DMD: variants seen among roughly 807,000 people sequenced by gnomAD.
DMD encodes the protein mutant dystrophin.
Under a neutral mutation model 330.1 loss-of-function variants are expected in DMD, and 63 were observed. The ratio of observed to expected loss-of-function variants is 0.19; its 90% CI spans 0.16 to 0.24. The LOEUF is 0.24. DMD is among the 10% of genes least tolerant of loss of function. The pLI, the probability that DMD is intolerant of heterozygous loss-of-function variation, is 1.00. For missense variants in DMD, 3,344 were observed against 2,684.1 expected (o/e 1.25, Z -5.43); for synonymous variants, 1,223 against 959.8 (o/e 1.27, Z -5.07).
intron 52 of DMD, among the ~76,000 whole-genome samples, chrX:31,708,967 G>C (rs2084400495): frequency 8.9e-6 from 1 of 111,792 alleles, no homozygotes; most frequent in Non-Finnish European, 1.9e-5. Flanking sequence ...TCCTACTTTT[G>C]CAGTTCTAAA....
At chrX:31,462,199 G>A (rs543100374) in intron 59 of DMD, among the ~76,000 whole-genome samples, 2 of 112,145 alleles carry the variant, frequency 1.8e-5, no homozygotes, top group South Asian at 7.4e-4. Flanking sequence ...CACAACTCCG[G>A]CTCGGTGTTG....
chrX:33,099,449 T>C (rs1186152690), intron 1 of DMD, among the ~76,000 whole-genome samples: 1 of 111,274 alleles, frequency 9.0e-6, no homozygotes, highest in African/African-American at 3.3e-5. Flanking sequence ...CAACTTTGAA[T>C]ATTGTTTCTT....
chrX:32,699,956 C>T (rs905492315), intron 7 of DMD, among the ~76,000 whole-genome samples: 5 of 111,566 alleles, frequency 4.5e-5, no homozygotes, highest in African/African-American at 9.7e-5. Context: ...TGTAAAAGTC[C>T]CGCACATTAA....
chrX:32,642,365 TA>T (rs1330488103), intron 11 of DMD, among the ~76,000 whole-genome samples: 1 of 112,292 alleles, frequency 8.9e-6, no homozygotes, highest in Non-Finnish European at 1.9e-5. Flanking sequence ...CTTGCCTTCT[TA>T]ATAATTATTC....
intron 44 of DMD, among the ~76,000 whole-genome samples, chrX:32,171,318 G>T (rs1363713325): frequency 8.9e-6 from 1 of 111,792 alleles, no homozygotes. Context: ...GGCAGTTTTA[G>T]AGAGGAGAAA....
At chrX:32,980,723 A>T (rs974694099) in intron 2 of DMD, among the ~76,000 whole-genome samples, 22 of 111,821 alleles carry the variant, frequency 2.0e-4, no homozygotes, top group Non-Finnish European at 3.2e-4. Flanking sequence ...CATATTACTT[A>T]TAGATGGAGT....
chrX:32,002,196 T>C (rs1255612235), intron 44 of DMD, among the ~76,000 whole-genome samples: 2 of 111,992 alleles, frequency 1.8e-5, no homozygotes, highest in Non-Finnish European at 3.8e-5. Context: ...CATTACTTCG[T>C]GTTTGTTCTC....
intron 63 of DMD, among the ~76,000 whole-genome samples, chrX:31,250,970 T>C (rs5972353): frequency 0.1 from 11,182 of 108,869 alleles, 1,114 homozygotes; most frequent in African/African-American, 0.31. Flanking sequence ...TAATCCCAGC[T>C]ACTCGGGAGG....
chrX:33,001,672 CA>C (rs2093282372), intron 2 of DMD, among the ~76,000 whole-genome samples: 1 of 111,198 alleles, frequency 9.0e-6, no homozygotes, highest in African/African-American at 3.3e-5. Context: ...ACAAGAAAGA[CA>C]GCGTCTAACA....
At chrX:31,836,870 A>C (rs763700101) in intron 48 of DMD, 51 bp from the exon 49 acceptor site, 1 of 1,039,304 alleles carries the variant, frequency 9.6e-7, no homozygotes, top group African/African-American at 1.9e-5. Context: ...TTAGCAATAA[A>C]ATTACTAAAT....
At chrX:32,929,676 T>C (rs1273323172) in intron 2 of DMD, among the ~76,000 whole-genome samples, 1 of 111,357 alleles carries the variant, frequency 9.0e-6, no homozygotes, top group Non-Finnish European at 1.9e-5. Flanking sequence ...ACCCGTCATC[T>C]ACATTAGGTA....
rs376984783 is a variant in DMD, at chrX:31,756,014, G to A, written c.7542+17946C>T. Reference sequence around the variant, plus strand: ...AGAAATGTTCTGCATGTTTGTGTGCGTGAGAGAGACACAGAGAGAGAGCGA... The same window carrying A: ...AGAAATGTTCTGCATGTTTGTGTGCATGAGAGAGACACAGAGAGAGAGCGA... On this transcript the variant is annotated intron_variant, in intron 51 of 78. Transcript: ENST00000357033. 7.2e-5 allele frequency among the ~76,000 whole-genome samples: 8 copies of A among 111,488 alleles called. No homozygotes were observed. The East Asian group carries it at 1.4e-3, about 20-fold the overall frequency.
intron 7 of DMD, among the ~76,000 whole-genome samples, chrX:32,793,499 G>C (rs1002616498): frequency 9.2e-6 from 1 of 108,351 alleles, no homozygotes; most frequent in Non-Finnish European, 1.9e-5. Context: ...TGAGAAGTTT[G>C]ATTTTTAAAA....
chrX:32,960,528 C>G (rs1244332301), intron 2 of DMD, among the ~76,000 whole-genome samples: 3 of 111,827 alleles, frequency 2.7e-5, no homozygotes, highest in Non-Finnish European at 5.6e-5. Context: ...TGCCATTTAG[C>G]AAACGTAGAG....
chrX:31,198,211 T>A (rs1324354144), intron 67 of DMD, among the ~76,000 whole-genome samples: 1 of 110,359 alleles, frequency 9.1e-6, no homozygotes. Flanking sequence ...ATCAATATAT[T>A]TTTAAATCTT....
At chrX:31,406,361 CCTT>C (rs1235548465) in intron 60 of DMD, among the ~76,000 whole-genome samples, 1 of 110,669 alleles carries the variant, frequency 9.0e-6, no homozygotes, top group Non-Finnish European at 1.9e-5. Flanking sequence ...ATGTAACAAA[CCTT>C]CACATGTACC....
At chrX:31,730,853 A>C (rs2086451960) in intron 51 of DMD, among the ~76,000 whole-genome samples, 1 of 111,632 alleles carries the variant, frequency 9.0e-6, no homozygotes, top group South Asian at 3.7e-4. Flanking sequence ...AGGCCAATGA[A>C]GATGAAGAGA....
intron 43 of DMD, among the ~76,000 whole-genome samples, chrX:32,218,272 A>G (rs1167271584): frequency 9.0e-6 from 1 of 111,675 alleles, no homozygotes; most frequent in African/African-American, 3.3e-5. Context: ...TATTTTTCAA[A>G]GCATCCAGGT....
chrX:32,980,724 T>C (rs1314825366), intron 2 of DMD, among the ~76,000 whole-genome samples: 1 of 111,888 alleles, frequency 8.9e-6, no homozygotes, highest in African/African-American at 3.2e-5. Flanking sequence ...ATATTACTTA[T>C]AGATGGAGTT....
Sources: gnomAD v4.1 joint callset for allele counts (sites outside exome capture counted in the v4.1 genomes callset) on GRCh38, gnomAD v4.1.1 for gene constraint, MANE v1.5 for transcripts, NCBI Gene and HGNC (gene_info 2026-07-23, HGNC 2026-07-21) for gene names.